The following MYOM3 variants were observed in gnomAD, a reference collection of about 807,000 sequenced individuals.
MYOM3 encodes the protein myomesin-3.
Under a neutral mutation model 191.7 loss-of-function variants are expected in MYOM3, and 155 were observed. The observed-to-expected ratio is 0.81, with a 90% CI of 0.71 to 0.92. MYOM3 has a LOEUF of 0.92. Ranked by LOEUF, MYOM3 falls within the 40% of genes least tolerant of loss-of-function variation. MYOM3 has a pLI of 0.00. For synonymous variants in MYOM3, 757 were observed against 762.9 expected (o/e 0.99, Z 0.13); for missense variants, 1,889 against 1,890.6 (o/e 1.00, Z 0.02).
chr1:24,062,108 C>G lies in MYOM3; in HGVS notation c.3772G>C (p.Asp1258His). The change falls in exon 33 of 37, where the codon GAC (aspartate) becomes CAC (histidine). Residue 1258 changes from aspartate to histidine, a missense_variant and splice_region_variant. Coordinates refer to ENST00000374434, the MANE Select transcript of MYOM3 (RefSeq NM_152372.4). Reference sequence around the variant, plus strand: ...CGATCACCACTCTCCAGACGTTTGTCTCTGAATGTGAGGGTGGAGAAATGG... The same window carrying G: ...CGATCACCACTCTCCAGACGTTTGTGTCTGAATGTGAGGGTGGAGAAATGG... ...EYMKTTWFHK[D>H]KRLESGDRIR... is the part of the protein sequence containing the mutation. 1.9e-6 allele frequency: 3 copies of G among 1,614,002 alleles called. No individual in the cohort carries two copies. Among genetic ancestry groups the G allele is most frequent in the Non-Finnish European group, 2.5e-6 (3 of 1,179,978 alleles).
chr1:24,064,319 G>T (rs1459765852), intron 29 of MYOM3, 160 bp from the exon 30 acceptor site: 2 of 587,884 alleles, frequency 3.4e-6, no homozygotes, highest in African/African-American at 3.8e-5. Flanking sequence ...CATCTGGGCT[G>T]GGTGAGCTCT....
intron 35 of MYOM3, 97 bp from the exon 36 acceptor site, chr1:24,059,076 C>CT: frequency 2.7e-5 from 20 of 744,222 alleles, no homozygotes; most frequent in South Asian, 6.8e-5. Flanking sequence ...AGCAAGGCTT[C>CT]TTTTTTTTCC....
intron 18 of MYOM3, 56 bp downstream of exon 18, chr1:24,081,945 C>T: frequency 2.6e-6 from 4 of 1,517,804 alleles, no homozygotes; most frequent in South Asian, 2.6e-5. Context: ...AAGCAGTGCC[C>T]TCTGGTCGCT....
rs368822946 is a variant in MYOM3, at chr1:24,064,115, G to A, written c.3579C>T (p.Asp1193=). 1.3e-4 allele frequency: 204 copies of A among 1,614,016 alleles called. No homozygotes were observed. The African/African-American group carries it at 1.6e-3, about 13-fold the overall frequency. ...ATATGGTGTCGTCCTCCCCTCGATC[G>A]TCAGAAACCATCGCTCTGTAAATTC... The part of the protein sequence containing the change: ...DKGIYRAMVS[D]DRGEDDTILD... Residue 1193 remains aspartate (D), a synonymous_variant, in exon 30 of 37, where the codon GAC becomes GAT. Transcript: ENST00000374434.
At chr1:24,062,642 C>T (rs1643384515) in intron 32 of MYOM3, among the ~76,000 whole-genome samples, 1 of 152,168 alleles carries the variant, frequency 6.6e-6, no homozygotes, top group Admixed American at 6.5e-5. Context: ...GCCTTCAAGC[C>T]CTGGCTCTCA....
Position 24,063,403 on chromosome 1 carries a change from C to A in MYOM3, c.3661+89G>T. The A allele has an allele frequency of 6.5e-7, 1 of 1,538,546 alleles. No homozygotes were observed. On this transcript the variant is annotated intron_variant, in intron 31 of 36. Transcript: ENST00000374434. The surrounding 1 kb of genome is among the most constrained non-coding windows in gnomAD (Gnocchi z 4.5). ...TGTTTGAGGTTAGAAACTAAACCCA[C>A]CCCCAATAGCCAAGGCCAGTGTTAG...
rs772493736 is a variant in MYOM3 at position 24,091,011 on chromosome 1, C to T, written c.1233-15G>A. The stretch of plus-strand genomic sequence containing the variant: ...CGCCCTGGCACCTGTTGGAGACAGG[C>T]CCCCCCTTTCAGCCCCTGCCCACAA... On this transcript the variant is annotated splice_polypyrimidine_tract_variant and intron_variant, in intron 11 of 36. Coordinates refer to ENST00000374434, the MANE Select transcript of MYOM3 (RefSeq NM_152372.4). 2.0e-4 allele frequency: 315 copies of T among 1,588,766 alleles called. No individual in the cohort carries two copies. Among genetic ancestry groups the T allele is most frequent in the Non-Finnish European group, 2.6e-4 (303 of 1,179,002 alleles).
intron 14 of MYOM3, among the ~76,000 whole-genome samples, chr1:24,088,183 G>A (rs1470532899): frequency 6.6e-6 from 1 of 152,018 alleles, no homozygotes; most frequent in Non-Finnish European, 1.5e-5. Context: ...GCTGAGTCTG[G>A]GCAAGAGAGT....
chr1:24,081,237 T>G (rs1643663750), intron 19 of MYOM3, 93 bp downstream of exon 19: 1 of 1,504,362 alleles, frequency 6.6e-7, no homozygotes, highest in South Asian at 1.2e-5. Flanking sequence ...CAAGCCTGAA[T>G]GCATAGAGGA....
rs569841128 is a variant in MYOM3 at position 24,082,013 on chromosome 1, G to A, written c.2268C>T (p.Thr756=). The change falls in exon 18 of 37, where the codon ACC becomes ACT. Residue 756 remains threonine (T), a synonymous_variant. Transcript: ENST00000374434. Reference sequence around the variant, plus strand: ...CTTCCAGCCCTACCTTGCAGACCCGGGTGGGGATGGGCTGCTGATTGACCG... The same window carrying A: ...CTTCCAGCCCTACCTTGCAGACCCGAGTGGGGATGGGCTGCTGATTGACCG... The part of the protein sequence containing the change: ...WHAVNQQPIP[T]RVCKVSDLHE... The A allele has an allele frequency of 5.6e-6, 9 of 1,610,220 alleles. No individual in the cohort carries two copies. The highest frequency in any genetic ancestry group is 1.7e-5 in the Admixed American group (1 of 59,864).
In MYOM3 at chr1:24,092,960, G is replaced by A. The variant is rs371028435; in HGVS notation, c.1077C>T (p.Tyr359=). 1.7e-5 allele frequency: 27 copies of A among 1,589,006 alleles called. No homozygotes were observed. The highest frequency in any genetic ancestry group is 1.5e-4 in the Admixed American group (8 of 55,128). ...SPFGPREQST[Y]VLVRDAEAEN... is the part of the protein sequence containing the mutation. ...CCATGCCCTCACCTCTCACAAGCACGTAGGTGCTCTGTTCCCGGGGTCCGA... is the reference window on the plus strand; with the variant it reads ...CCATGCCCTCACCTCTCACAAGCACATAGGTGCTCTGTTCCCGGGGTCCGA... The change falls in exon 10 of 37, where the codon TAC becomes TAT. Residue 359 remains tyrosine, a synonymous_variant. Coordinates refer to ENST00000374434, the MANE Select transcript of MYOM3 (RefSeq NM_152372.4).
chr1:24,074,096 G>A, intron 23 of MYOM3, 64 bp downstream of exon 23: 1 of 1,356,998 alleles, frequency 7.4e-7, no homozygotes. Context: ...GCTGACCTGT[G>A]TGGGCATTTG....
intron 6 of MYOM3, among the ~76,000 whole-genome samples, chr1:24,099,153 C>G (rs1357511163): frequency 6.6e-6 from 1 of 152,146 alleles, no homozygotes; most frequent in Admixed American, 6.5e-5. Flanking sequence ...CCTGCCTCTT[C>G]CCTCAAAACC....
chr1:24,076,050 G>A lies in MYOM3; in HGVS notation c.2701+109C>T, dbSNP rs1258077707. ...AGGGGCTTGCTGGAGGGCCAGAGAA[G>A]TGTGAGGGCCTAGCACAGCATCAGG... On this transcript the variant is annotated intron_variant, in intron 21 of 36. Coordinates refer to ENST00000374434, the MANE Select transcript of MYOM3 (RefSeq NM_152372.4). 8.9e-6 allele frequency: 7 copies of A among 788,154 alleles called. No homozygotes were observed. The African/African-American group carries it at 1.0e-4, about 11-fold the overall frequency. The allele number at this position is 788,154 out of a possible 1,614,324, so 48.8% of individuals were successfully genotyped here. A position where few individuals can be genotyped will look rare whatever the true frequency, so the allele number is the denominator to read the frequency against.
chr1:24,064,250 C>T (rs1643408798), intron 29 of MYOM3, 91 bp from the exon 30 acceptor site: 1 of 919,482 alleles, frequency 1.1e-6, no homozygotes, highest in East Asian at 2.5e-5. Flanking sequence ...CCAGGCCTGC[C>T]CCTCACTCTC....
At chr1:24,064,258 C>G in intron 29 of MYOM3, 99 bp from the exon 30 acceptor site, 1 of 852,542 alleles carries the variant, frequency 1.2e-6, no homozygotes, top group Non-Finnish European at 1.9e-6. Flanking sequence ...GCCCCTCACT[C>G]TCTGTGTGAC....
intron 15 of MYOM3, among the ~76,000 whole-genome samples, chr1:24,085,306 A>ATGGG (rs1643725679): frequency 6.6e-6 from 1 of 151,832 alleles, no homozygotes; most frequent in African/African-American, 2.4e-5. Context: ...GGATGGATGG[A>ATGGG]TGGATGGATG....
chr1:24,072,453 C>T (rs929422004), intron 23 of MYOM3, among the ~76,000 whole-genome samples: 2 of 152,024 alleles, frequency 1.3e-5, no homozygotes, highest in Non-Finnish European at 2.9e-5. Flanking sequence ...TGGGTCTGGA[C>T]GACACACCGA....
intron 11 of MYOM3, among the ~76,000 whole-genome samples, chr1:24,091,792 C>T (rs77144102): frequency 0.011 from 1,618 of 152,294 alleles, 24 homozygotes; most frequent in African/African-American, 0.037. Context: ...GTTCTGGCCT[C>T]TCTACCTGTT....
Sources: allele counts gnomAD v4.1 joint callset (sites outside exome capture counted in the v4.1 genomes callset), GRCh38; gene constraint gnomAD v4.1.1; non-coding constraint Gnocchi (gnomAD v3.1); transcripts MANE v1.5; gene names NCBI Gene and HGNC (gene_info 2026-07-23, HGNC 2026-07-21).